The following KLHL31 variants were observed in gnomAD, a reference collection of about 807,000 sequenced individuals.
KLHL31 encodes kelch like family member 31, also known as kelch-like protein 31.
KLHL31 carries 32 observed loss-of-function variants against 47.1 expected under a neutral mutation model. The observed-to-expected ratio is 0.68, with a 90% CI of 0.51 to 0.91. The LOEUF (loss-of-function observed/expected upper bound fraction) is 0.91, where lower values mean the gene tolerates loss of function less well. Ranked by LOEUF, KLHL31 falls within the 40% of genes least tolerant of loss-of-function variation. KLHL31 has a pLI of 0.00. For synonymous variants in KLHL31, 330 were observed against 325.1 expected (o/e 1.01, Z -0.16); for missense variants, 797 against 819.3 (o/e 0.97, Z 0.33).
Position 53,648,920 on chromosome 6 carries a change from T to C in KLHL31, c.*2678A>G, listed in dbSNP as rs1324626513. The C allele has an allele frequency of 1.3e-5, 2 of 152,190 alleles. No individual in the cohort carries two copies. Among genetic ancestry groups the C allele is most frequent in the African/African-American group, 4.8e-5 (2 of 41,460 alleles). The allele number at this position is 152,190 out of a possible 1,614,324, so 9.4% of individuals were successfully genotyped here. A position where few individuals can be genotyped will look rare whatever the true frequency, so the allele number is the denominator to read the frequency against. On this transcript the variant is annotated 3_prime_UTR_variant, in exon 3 of 3. Coordinates refer to ENST00000370905, the MANE Select transcript of KLHL31 (RefSeq NM_001003760.5). ...GGTAACATGCAATTTCCCTGATATA[T>C]TGAACTGATGCTTTTATTTGATCAC...
chr6:53,655,877 G>A (rs920662005), intron 1 of KLHL31, among the ~76,000 whole-genome samples: 1 of 152,060 alleles, frequency 6.6e-6, no homozygotes, highest in Middle Eastern at 3.2e-3. Flanking sequence ...AAAGTGTTGG[G>A]ATTACAGATG....
Position 53,648,221 on chromosome 6 carries a change from A to T in KLHL31, c.*3377T>A, listed in dbSNP as rs534589514. 3.7e-4 allele frequency: 57 copies of T among 152,628 alleles called. No individual in the cohort carries two copies. The highest frequency in any genetic ancestry group is 1.3e-3 in the African/African-American group (56 of 41,548). The allele number at this position is 152,628 out of a possible 1,614,324, so 9.5% of individuals were successfully genotyped here. The stretch of plus-strand genomic sequence containing the variant: ...CGAATAAAGGACTGTTTGGAAAATT[A>T]TTCTGTAGGTTTTTTGGCATGAAAA... On this transcript the variant is annotated 3_prime_UTR_variant, in exon 3 of 3. Coordinates refer to ENST00000370905, the MANE Select transcript of KLHL31 (RefSeq NM_001003760.5).
chr6:53,658,816 C>T (rs979883789), intron 1 of KLHL31, among the ~76,000 whole-genome samples: 18 of 151,978 alleles, frequency 1.2e-4, no homozygotes, highest in Non-Finnish European at 1.5e-4. Context: ...AAAAAGAAAT[C>T]ACAGGAGAAA....
Position 53,654,701 on chromosome 6 carries a change from G to A in KLHL31, c.572C>T (p.Ala191Val). ...GAAGTTATCCCGAATAAATTTCTGG[G>A]CTGCTGCTTTTGCATTTTTTAGGGA... ...TYSLKNAKAA[A>V]QKFIRDNFLE... The change falls in exon 2 of 3, where the codon GCC becomes GTC. Residue 191 changes from alanine (A) to valine (V), a missense_variant. Transcript: ENST00000370905. The A allele has an allele frequency of 6.2e-7, 1 of 1,614,126 alleles. No homozygotes were observed. Among genetic ancestry groups the A allele is most frequent in the Non-Finnish European group, 8.5e-7 (1 of 1,180,026 alleles).
intron 1 of KLHL31, among the ~76,000 whole-genome samples, chr6:53,664,050 G>A (rs1332911371): frequency 3.9e-5 from 6 of 152,096 alleles, no homozygotes; most frequent in African/African-American, 1.4e-4. Context: ...CTGTAATATG[G>A]CCTTCCATAT....
At chr6:53,664,671 T>C (rs1263303778) in intron 1 of KLHL31, among the ~76,000 whole-genome samples, 1 of 152,230 alleles carries the variant, frequency 6.6e-6, no homozygotes, top group African/African-American at 2.4e-5. Flanking sequence ...CCTGCACCCA[T>C]GCTTCCTGGG....
intron 1 of KLHL31, among the ~76,000 whole-genome samples, chr6:53,657,210 A>G (rs1471249820): frequency 6.6e-6 from 1 of 152,130 alleles, no homozygotes; most frequent in African/African-American, 2.4e-5. Flanking sequence ...AAGTGCTAGG[A>G]TTACAGGCAT....
rs12204835 is a variant in KLHL31 at position 53,651,554 on chromosome 6, G to A, written c.*44C>T. The A allele has an allele frequency of 1.3e-6, 2 of 1,571,688 alleles. No homozygotes were observed. Among genetic ancestry groups the A allele is most frequent in the Non-Finnish European group, 1.7e-6 (2 of 1,156,754 alleles). ...TCAGAGGTTAACCACGTGGCTCTACGAATAAATAACGTGTTCTTCCTGCGT... is the reference window on the plus strand; with the variant it reads ...TCAGAGGTTAACCACGTGGCTCTACAAATAAATAACGTGTTCTTCCTGCGT... On this transcript the variant is annotated 3_prime_UTR_variant, in exon 3 of 3. Transcript: ENST00000370905.
In KLHL31 at chr6:53,651,777, C is replaced by T; in HGVS notation, c.1726G>A (p.Gly576Ser). The T allele has an allele frequency of 1.2e-6, 2 of 1,613,906 alleles. No homozygotes were observed. Among genetic ancestry groups the T allele is most frequent in the South Asian group, 1.1e-5 (1 of 91,086 alleles). The change falls in exon 3 of 3, where the codon GGC becomes AGC. Residue 576 changes from glycine to serine, a missense_variant. Transcript: ENST00000370905. ...RAYLVGGWNE[G>S]EKKYKKCIQC... Reference sequence around the variant, plus strand: ...ATGCACTTCTTGTACTTCTTCTCGCCCTCGTTCCAGCCCCCCACCAGGTAG... The same window carrying T: ...ATGCACTTCTTGTACTTCTTCTCGCTCTCGTTCCAGCCCCCCACCAGGTAG...
At chr6:53,661,417 C>T (rs1353451128) in intron 1 of KLHL31, among the ~76,000 whole-genome samples, 1 of 152,042 alleles carries the variant, frequency 6.6e-6, no homozygotes, top group Non-Finnish European at 1.5e-5. Flanking sequence ...ACACACCCAC[C>T]CAGACACACA....
rs3799261 is a variant in KLHL31 at position 53,651,981 on chromosome 6, C to T, written c.1522G>A (p.Ala508Thr). Residue 508 changes from alanine (A) to threonine (T), a missense_variant, in exon 3 of 3, where the codon GCG becomes ACG. By Grantham distance (58) the Ala-to-Thr change is moderately conservative (BLOSUM62 0). Transcript: ENST00000370905. ...NLSTPRGWHC[A>T]VTLSDRVYVM... The stretch of plus-strand genomic sequence containing the variant: ...TACACTCTGTCGCTCAGCGTGACCG[C>T]GCAGTGCCAGCCCCGGGGTGTGCTG... 6.6e-4 allele frequency: 1,050 copies of T among 1,592,668 alleles called. 5 individuals carry two copies. In the East Asian group the frequency reaches 0.01, roughly 16 times the overall value.
Position 53,654,679 on chromosome 6 carries a change from G to C in KLHL31, c.594C>G (p.Asn198Lys). 2 of 1,614,172 alleles carry C rather than the reference G, an allele frequency of 1.2e-6. No homozygotes were observed. The highest frequency in any genetic ancestry group is 1.7e-6 in the Non-Finnish European group (2 of 1,180,016). The change falls in exon 2 of 3, where the codon AAC (asparagine) becomes AAG (lysine). Residue 198 changes from asparagine to lysine, a missense_variant. Asn to Lys is a moderately conservative substitution (Grantham distance 94). Transcript: ENST00000370905. Reference sequence around the variant, plus strand: ...GATCCGATTCTGCAAATTCAAGGAAGTTATCCCGAATAAATTTCTGGGCTG... The same window carrying C: ...GATCCGATTCTGCAAATTCAAGGAACTTATCCCGAATAAATTTCTGGGCTG... ...KAAAQKFIRD[N>K]FLEFAESDQF...
chr6:53,651,386 C>G lies in KLHL31; in HGVS notation c.*212G>C. 1 of 235,078 alleles carries G rather than the reference C, an allele frequency of 4.3e-6. No individual in the cohort carries two copies. The highest frequency in any genetic ancestry group is 7.0e-6 in the Non-Finnish European group (1 of 143,572). 14.6% of individuals were successfully genotyped at this position (235,078 alleles called of 1,614,324 possible). On this transcript the variant is annotated 3_prime_UTR_variant, in exon 3 of 3. Transcript: ENST00000370905. ...AAATTGTTTCTTTTGTTGGCCATTG[C>G]CCTGTATTTTGCTAAAAAAAAAAAA...
At chr6:53,661,112 A>G (rs1304379413) in intron 1 of KLHL31, among the ~76,000 whole-genome samples, 1 of 152,190 alleles carries the variant, frequency 6.6e-6, no homozygotes, top group Non-Finnish European at 1.5e-5. Context: ...AGAGTTGTTC[A>G]TTTGTTCCTA....
chr6:53,657,176 C>A (rs1764574130), intron 1 of KLHL31, among the ~76,000 whole-genome samples: 2 of 152,016 alleles, frequency 1.3e-5, no homozygotes, highest in African/African-American at 4.8e-5. Flanking sequence ...TGGGCTCAAG[C>A]AATCCACCTG....
At chr6:53,652,600 G>A (rs1764493821) in intron 2 of KLHL31, among the ~76,000 whole-genome samples, 1 of 152,184 alleles carries the variant, frequency 6.6e-6, no homozygotes, top group South Asian at 2.1e-4. Context: ...GCCACTTGGA[G>A]AAGAGCCCAC....
intron 1 of KLHL31, among the ~76,000 whole-genome samples, chr6:53,656,572 A>G (rs1322063573): frequency 6.6e-6 from 1 of 152,096 alleles, no homozygotes; most frequent in East Asian, 1.9e-4. Context: ...ATGTGTGTGT[A>G]AGTATATATA....
In KLHL31 at chr6:53,652,264, G is replaced by A; in HGVS notation, c.1239C>T (p.Ser413=). ...ASMNQKRTHF[S]LSVFNGLVYA... Reference sequence around the variant, plus strand: ...ACACGAGCCCGTTGAACACGCTCAGGCTGAAGTGCGTGCGCTTCTGGTTCA... The same window carrying A: ...ACACGAGCCCGTTGAACACGCTCAGACTGAAGTGCGTGCGCTTCTGGTTCA... The change falls in exon 3 of 3, where the codon AGC becomes AGT. Residue 413 remains serine (S), a synonymous_variant. Transcript: ENST00000370905. The A allele has an allele frequency of 1.9e-6, 3 of 1,614,176 alleles. No homozygotes were observed. Among genetic ancestry groups the A allele is most frequent in the Non-Finnish European group, 2.5e-6 (3 of 1,180,048 alleles).
In KLHL31 at chr6:53,654,576, C is replaced by G; in HGVS notation, c.697G>C (p.Ala233Pro). The change falls in exon 2 of 3, where the codon GCA (alanine) becomes CCA (proline). Residue 233 changes from alanine to proline, a missense_variant. Coordinates refer to ENST00000370905, the MANE Select transcript of KLHL31 (RefSeq NM_001003760.5). ...DDLQLPSEIVAFQIAMKWLEF... is the reference protein window; with the variant it reads ...DDLQLPSEIVPFQIAMKWLEF... ...AACCATTTCATTGCAATCTGGAATG[C>G]TACTATCTCAGAAGGCAACTGTAAG... 14 of 1,613,558 alleles carry G rather than the reference C, an allele frequency of 8.7e-6. No individual in the cohort carries two copies. The highest frequency in any genetic ancestry group is 1.2e-5 in the Non-Finnish European group (14 of 1,179,478).
Sources: allele counts gnomAD v4.1 joint callset (sites outside exome capture counted in the v4.1 genomes callset), GRCh38; gene constraint gnomAD v4.1.1; transcripts MANE v1.5; gene names NCBI Gene and HGNC (gene_info 2026-07-23, HGNC 2026-07-21).